SGCZ: variants seen among roughly 807,000 people sequenced by gnomAD.
SGCZ encodes sarcoglycan zeta.
SGCZ carries 40 observed loss-of-function variants against 41.3 expected under a neutral mutation model. The observed-to-expected ratio is 0.97, with a 90% CI of 0.75 to 1.26. The LOEUF (loss-of-function observed/expected upper bound fraction) is 1.26, where lower values mean the gene tolerates loss of function less well. Among genes scored for constraint, SGCZ ranks in the 50% most tolerant of loss-of-function variants. The pLI is 0.00. For missense variants in SGCZ, 552 were observed against 369.8 expected (o/e 1.49, Z -4.04); for synonymous variants, 206 against 137.5 (o/e 1.50, Z -3.49).
chr8:14,863,820 T>A (rs1393178293), intron 1 of SGCZ, among the ~76,000 whole-genome samples: 1 of 152,126 alleles, frequency 6.6e-6, no homozygotes, highest in South Asian at 2.1e-4. Flanking sequence ...GGGTTGTAAA[T>A]GCTGGAAATA....
intron 2 of SGCZ, among the ~76,000 whole-genome samples, chr8:14,463,680 G>C (rs929846434): frequency 1.3e-5 from 2 of 151,696 alleles, no homozygotes; most frequent in East Asian, 1.9e-4. Flanking sequence ...TGTAACAAAA[G>C]GCACTATCAG....
At chr8:14,375,584 C>T (rs1023177108) in intron 2 of SGCZ, among the ~76,000 whole-genome samples, 1 of 152,028 alleles carries the variant, frequency 6.6e-6, no homozygotes, top group Non-Finnish European at 1.5e-5. Flanking sequence ...TTTTAAAAGA[C>T]TTCAACATGG....
At chr8:14,219,920 TC>T (rs1480464130) in intron 4 of SGCZ, among the ~76,000 whole-genome samples, 1 of 152,180 alleles carries the variant, frequency 6.6e-6, no homozygotes, top group African/African-American at 2.4e-5. Context: ...GTTCTTTGAA[TC>T]CCTAAGCACA....
At chr8:15,155,072 G>C (rs932739922) in intron 1 of SGCZ, among the ~76,000 whole-genome samples, 1 of 152,124 alleles carries the variant, frequency 6.6e-6, no homozygotes, top group Admixed American at 6.5e-5. Flanking sequence ...AAAGTGGATA[G>C]CTTGAGCCCA....
At chr8:14,320,614 C>G (rs986791067) in intron 3 of SGCZ, among the ~76,000 whole-genome samples, 1 of 152,070 alleles carries the variant, frequency 6.6e-6, no homozygotes, top group African/African-American at 2.4e-5. Flanking sequence ...GTTAACATCA[C>G]AGTGAAAGGG....
In SGCZ at chr8:14,185,967, T is replaced by C. The variant is rs140077377; in HGVS notation, c.425-21265A>G. On this transcript the variant is annotated intron_variant, in intron 4 of 7. Transcript: ENST00000382080. ...CTTGGAATCTGCGTTTCTAATCATA[T>C]GATTAGTTTGGATATCTAATAGGCA... Among the ~76,000 whole-genome samples, 1,049 of 152,368 alleles carry C rather than the reference T, an allele frequency of 6.9e-3. 12 individuals carry two copies. Among genetic ancestry groups the C allele is most frequent in the African/African-American group, 0.024 (1,009 of 41,590 alleles).
chr8:14,636,144 T>C (rs1307169293), intron 1 of SGCZ, among the ~76,000 whole-genome samples: 2 of 151,762 alleles, frequency 1.3e-5, no homozygotes, highest in Non-Finnish European at 2.9e-5. Flanking sequence ...GTAAGTTCAG[T>C]GTGGGTGCAT....
intron 5 of SGCZ, among the ~76,000 whole-genome samples, chr8:14,116,368 A>G (rs1198132090): frequency 6.6e-6 from 1 of 152,102 alleles, no homozygotes; most frequent in Non-Finnish European, 1.5e-5. Flanking sequence ...GATATCTAAG[A>G]GACTTTAAAA....
At chr8:14,231,561 T>C (rs981081939) in intron 4 of SGCZ, among the ~76,000 whole-genome samples, 10 of 151,988 alleles carry the variant, frequency 6.6e-5, no homozygotes, top group Non-Finnish European at 1.5e-4. Flanking sequence ...TCTAGATTTT[T>C]TTTTTCTGAA....
intron 3 of SGCZ, chr8:14,309,462 A>T: frequency 6.2e-7 from 1 of 1,605,888 alleles, no homozygotes. Context: ...TGCAGTGATG[A>T]TGTATGTGGC....
intron 3 of SGCZ, among the ~76,000 whole-genome samples, chr8:14,316,857 C>T (rs2093901132): frequency 7.0e-6 from 1 of 142,118 alleles, no homozygotes; most frequent in Non-Finnish European, 1.5e-5. Context: ...ACACACACGC[C>T]CTGCACTTCC....
chr8:14,830,078 G>A (rs1802475235), intron 1 of SGCZ, among the ~76,000 whole-genome samples: 1 of 152,138 alleles, frequency 6.6e-6, no homozygotes, highest in South Asian at 2.1e-4. Context: ...CCAAAGTGCT[G>A]GGATTACAGG....
intron 5 of SGCZ, among the ~76,000 whole-genome samples, chr8:14,140,529 G>C (rs1563149400): frequency 6.6e-6 from 1 of 152,076 alleles, no homozygotes; most frequent in Non-Finnish European, 1.5e-5. Flanking sequence ...ATCAATAACA[G>C]ACAAACAGAG....
At chr8:15,219,371 A>T (rs1801516213) in intron 1 of SGCZ, among the ~76,000 whole-genome samples, 1 of 152,166 alleles carries the variant, frequency 6.6e-6, no homozygotes, top group Non-Finnish European at 1.5e-5. Flanking sequence ...GAGTCAATAT[A>T]ATCCATACAT....
intron 1 of SGCZ, among the ~76,000 whole-genome samples, chr8:15,048,917 A>T (rs955626192): frequency 6.6e-6 from 1 of 152,108 alleles, no homozygotes; most frequent in Admixed American, 6.6e-5. Flanking sequence ...TCCTCAAAAA[A>T]CTTGGAATAA....
At chr8:14,920,631 C>T (rs1352622131) in intron 1 of SGCZ, among the ~76,000 whole-genome samples, 1 of 152,122 alleles carries the variant, frequency 6.6e-6, no homozygotes, top group Non-Finnish European at 1.5e-5. Flanking sequence ...AGGCTATTAA[C>T]ATGCCTAAGC....
intron 1 of SGCZ, among the ~76,000 whole-genome samples, chr8:14,595,782 G>A (rs888419258): frequency 2.0e-5 from 3 of 152,100 alleles, no homozygotes; most frequent in African/African-American, 4.8e-5. Flanking sequence ...GAAAACACGG[G>A]TGCTGCCTTA....
intron 4 of SGCZ, among the ~76,000 whole-genome samples, chr8:14,167,851 A>G (rs1171943529): frequency 6.6e-6 from 1 of 152,156 alleles, no homozygotes; most frequent in Non-Finnish European, 1.5e-5. Flanking sequence ...ACAAAGAGAG[A>G]TAATTCAGTA....
At chr8:14,181,864 C>T (rs1446491224) in intron 4 of SGCZ, among the ~76,000 whole-genome samples, 2 of 152,234 alleles carry the variant, frequency 1.3e-5, no homozygotes, top group East Asian at 3.9e-4. Flanking sequence ...CAGACTAATA[C>T]ACCTGTTACA....
Sources: allele counts gnomAD v4.1 joint callset (sites outside exome capture counted in the v4.1 genomes callset), GRCh38; gene constraint gnomAD v4.1.1; transcripts MANE v1.5; gene names NCBI Gene and HGNC (gene_info 2026-07-23, HGNC 2026-07-21).